Variants in PHF20 observed in about 807,000 individuals in gnomAD.
PHF20 encodes the protein glioma-expressed antigen 2.
Under a neutral mutation model 113.5 loss-of-function variants are expected in PHF20, and 23 were observed. The ratio of observed to expected loss-of-function variants is 0.20; its 90% confidence interval spans 0.15 to 0.29. PHF20 has a LOEUF of 0.29. Among genes scored for constraint, PHF20 ranks in the 10% least tolerant of loss-of-function variants. The pLI is 1.00. For missense variants in PHF20, 943 were observed against 1,219.6 expected, an observed-to-expected ratio of 0.77 and a Z score of 3.38; for synonymous variants, 434 against 457.3, an observed-to-expected ratio of 0.95 and a Z score of 0.65.
chr20:35,910,593 C>A (rs973105774), intron 10 of PHF20, among the ~76,000 whole-genome samples: 6 of 151,992 alleles, frequency 3.9e-5, no homozygotes, highest in Non-Finnish European at 8.8e-5. Flanking sequence ...TCCAGGCAAC[C>A]ACTATTCTGC....
chr20:35,920,445 T>G (rs1600937663), intron 13 of PHF20, among the ~76,000 whole-genome samples: 1 of 152,302 alleles, frequency 6.6e-6, no homozygotes, highest in Non-Finnish European at 1.5e-5. Flanking sequence ...TGGAGTGTTT[T>G]CAGAAATACC....
chr20:35,948,607 A>G lies in PHF20; in HGVS notation c.*980A>G, dbSNP rs2056126496. On this transcript the variant is annotated 3_prime_UTR_variant, in exon 18 of 18. Coordinates refer to ENST00000374012, the MANE Select transcript of PHF20 (RefSeq NM_016436.5). Reference sequence around the variant, plus strand: ...GTTTTCAGAATTGTTTTGTTACTATACTTTAACATTTTACATTTCCTGTTT... The same window carrying G: ...GTTTTCAGAATTGTTTTGTTACTATGCTTTAACATTTTACATTTCCTGTTT... The G allele has an allele frequency of 6.6e-6, 1 of 152,660 alleles. No individual in the cohort carries two copies. The highest frequency in any genetic ancestry group is 1.5e-5 in the Non-Finnish European group (1 of 68,046). The allele number at this position is 152,660 out of a possible 1,614,324, so 9.5% of individuals were successfully genotyped here.
chr20:35,774,531 T>A (rs2041134395), intron 1 of PHF20: 1 of 152,248 alleles, frequency 6.6e-6, no homozygotes, highest in African/African-American at 2.4e-5. Flanking sequence ...ACCAGATTAA[T>A]TTCTCCACAG....
chr20:35,773,443 C>T (rs1033815940), intron 1 of PHF20, among the ~76,000 whole-genome samples: 1 of 152,156 alleles, frequency 6.6e-6, no homozygotes, highest in Non-Finnish European at 1.5e-5. Context: ...TTGTTCAGCA[C>T]GGCACTTTTC....
chr20:35,911,879 A>T (rs561891057), intron 10 of PHF20, among the ~76,000 whole-genome samples: 4 of 151,854 alleles, frequency 2.6e-5, no homozygotes, highest in African/African-American at 9.7e-5. Context: ...GGCTGATCTC[A>T]AGCTCCTGAC....
intron 1 of PHF20, among the ~76,000 whole-genome samples, chr20:35,791,723 C>T (rs1463397245): frequency 6.6e-6 from 1 of 151,682 alleles, no homozygotes; most frequent in African/African-American, 2.4e-5. Context: ...AAGATTAGAA[C>T]TGATGCAGGG....
chr20:35,924,493 C>T (rs1474570067), intron 13 of PHF20, among the ~76,000 whole-genome samples: 2 of 151,910 alleles, frequency 1.3e-5, no homozygotes, highest in South Asian at 2.1e-4. Flanking sequence ...TGTGCCTGGC[C>T]GCATGTATAG....
chr20:35,837,212 A>G (rs191274476), intron 2 of PHF20, among the ~76,000 whole-genome samples: 1 of 152,242 alleles, frequency 6.6e-6, no homozygotes, highest in East Asian at 1.9e-4. Context: ...CAAAAAAAAC[A>G]CAAAACCCCA....
chr20:35,911,005 C>G (rs2055289815), intron 10 of PHF20, among the ~76,000 whole-genome samples: 1 of 152,036 alleles, frequency 6.6e-6, no homozygotes, highest in African/African-American at 2.4e-5. Flanking sequence ...ACCCAGCATA[C>G]TTTGAGATTC....
chr20:35,923,052 C>T (rs1378216433), intron 13 of PHF20, among the ~76,000 whole-genome samples: 1 of 152,194 alleles, frequency 6.6e-6, no homozygotes, highest in Non-Finnish European at 1.5e-5. Flanking sequence ...GCAGTCAAGG[C>T]TGCAGGGAGA....
intron 4 of PHF20, among the ~76,000 whole-genome samples, chr20:35,857,301 C>A (rs955583861): frequency 4.6e-5 from 7 of 151,970 alleles, no homozygotes; most frequent in Admixed American, 4.6e-4. Flanking sequence ...TAGTTGGACA[C>A]CTTATTTGGG....
At chr20:35,804,256 C>T (rs1393061900) in intron 2 of PHF20, among the ~76,000 whole-genome samples, 3 of 108,708 alleles carry the variant, frequency 2.8e-5, no homozygotes, top group African/African-American at 1.1e-4. Flanking sequence ...TTTTTTGAGA[C>T]GTAGTCTTGC....
intron 4 of PHF20, chr20:35,856,325 A>G (rs1015283344): frequency 2.0e-5 from 3 of 152,170 alleles, no homozygotes; most frequent in South Asian, 4.1e-4. Flanking sequence ...CTAATTGTCT[A>G]TGGCAGTGGT....
At chr20:35,926,785 C>A (rs1412957271) in intron 13 of PHF20, among the ~76,000 whole-genome samples, 3 of 152,140 alleles carry the variant, frequency 2.0e-5, no homozygotes, top group Non-Finnish European at 2.9e-5. Flanking sequence ...GGTTGAGGAC[C>A]ATCTGAGCTC....
intron 4 of PHF20, among the ~76,000 whole-genome samples, chr20:35,847,748 A>G (rs925384871): frequency 6.6e-6 from 1 of 152,180 alleles, no homozygotes; most frequent in Non-Finnish European, 1.5e-5. Context: ...AATTGATGAC[A>G]TAGTCCTGAA....
chr20:35,870,061 T>C (rs1414702989), intron 7 of PHF20, among the ~76,000 whole-genome samples: 1 of 150,514 alleles, frequency 6.6e-6, no homozygotes, highest in Admixed American at 6.6e-5. Flanking sequence ...TCCCAGCACT[T>C]TGGGAGGCTG....
chr20:35,914,145 G>T lies in PHF20; in HGVS notation c.1773G>T (p.Pro591=). Residue 591 remains proline (P), a synonymous_variant, in exon 12 of 18, where the codon CCG becomes CCT. Transcript: ENST00000374012. ...SSHKPGVHMS[P]QLHGPESGHH... ...ACAAGCCAGGGGTCCATATGAGCCC[G>T]CAGCTTCATGGCCCAGAATCTGGAC... is the stretch of plus-strand genomic sequence containing the variant. 6.2e-7 allele frequency: 1 copy of T among 1,614,128 alleles called. No individual in the cohort carries two copies. Among genetic ancestry groups the T allele is most frequent in the Non-Finnish European group, 8.5e-7 (1 of 1,180,010 alleles).
At chr20:35,791,136 C>T (rs912368880) in intron 1 of PHF20, among the ~76,000 whole-genome samples, 3 of 152,064 alleles carry the variant, frequency 2.0e-5, no homozygotes, top group South Asian at 2.1e-4. Flanking sequence ...GGATTACAGG[C>T]GTGAGCCACC....
intron 1 of PHF20, among the ~76,000 whole-genome samples, chr20:35,789,826 G>A (rs929270416): frequency 6.7e-6 from 1 of 149,016 alleles, no homozygotes; most frequent in Non-Finnish European, 1.5e-5. Flanking sequence ...GATTGCAGGC[G>A]TGAGCCATGG....
Sources: gnomAD v4.1 joint callset for allele counts (sites outside exome capture counted in the v4.1 genomes callset) on GRCh38, gnomAD v4.1.1 for gene constraint, MANE v1.5 for transcripts, NCBI Gene and HGNC (gene_info 2026-07-23, HGNC 2026-07-21) for gene names.